RAP1A: variants seen among roughly 807,000 people sequenced by gnomAD.
RAP1A encodes ras-related protein Rap-1A.
A neutral mutation model predicts 26.4 loss-of-function variants in RAP1A; 6 were observed. The observed-to-expected ratio is 0.23, with a 90% CI of 0.12 to 0.45. The LOEUF (loss-of-function observed/expected upper bound fraction) is 0.45. Among genes scored for constraint, RAP1A ranks in the 20% least tolerant of loss-of-function variants. The probability of loss-of-function intolerance (pLI) is 0.99; values close to 1 mark genes in which losing one functional copy is unlikely to be tolerated. For missense variants in RAP1A, 121 were observed against 217.2 expected, an observed-to-expected ratio of 0.56 and a Z score of 2.78; for synonymous variants, 73 against 79.4, an observed-to-expected ratio of 0.92 and a Z score of 0.43.
intron 1 of RAP1A, among the ~76,000 whole-genome samples, chr1:111,656,201 C>A (rs536288359): frequency 2.0e-5 from 3 of 150,570 alleles, no homozygotes; most frequent in African/African-American, 4.9e-5. Context: ...CTTCAGTGAC[C>A]TTGGAGGGAG....
intron 1 of RAP1A, among the ~76,000 whole-genome samples, chr1:111,607,072 G>T (rs1208944070): frequency 6.6e-6 from 1 of 150,472 alleles, no homozygotes; most frequent in Non-Finnish European, 1.5e-5. Flanking sequence ...CTCGCAGAGG[G>T]GGATTTGGCA....
intron 1 of RAP1A, among the ~76,000 whole-genome samples, chr1:111,607,721 C>T (rs1658821012): frequency 7.0e-6 from 1 of 142,332 alleles, no homozygotes; most frequent in Non-Finnish European, 1.5e-5. Flanking sequence ...CCGGACGGGG[C>T]GGCTGGCCGG....
At chr1:111,599,558 C>G (rs1037679929) in intron 1 of RAP1A, 1 of 152,284 alleles carries the variant, frequency 6.6e-6, no homozygotes, top group Non-Finnish European at 1.5e-5. Flanking sequence ...TTCGGCCCTT[C>G]TCTTCTCCCC....
chr1:111,627,094 AT>A (rs141679571), intron 1 of RAP1A, among the ~76,000 whole-genome samples: 13 of 151,332 alleles, frequency 8.6e-5, no homozygotes, highest in African/African-American at 2.7e-4. Flanking sequence ...CTGCTTAAAC[AT>A]TTTTTTTTCT....
chr1:111,661,660 G>T (rs1029706755), intron 1 of RAP1A, among the ~76,000 whole-genome samples: 1 of 151,936 alleles, frequency 6.6e-6, no homozygotes, highest in East Asian at 1.9e-4. Context: ...TTAGCCGGGC[G>T]TGGTGGCGCA....
chr1:111,627,279 C>T (rs550680504), intron 1 of RAP1A, among the ~76,000 whole-genome samples: 1 of 151,916 alleles, frequency 6.6e-6, no homozygotes, highest in African/African-American at 2.4e-5. Context: ...ATTTTTTTTA[C>T]GAAACTTAGA....
At chr1:111,557,330 C>T (rs919101540) in intron 1 of RAP1A, among the ~76,000 whole-genome samples, 3 of 152,170 alleles carry the variant, frequency 2.0e-5, no homozygotes, top group Admixed American at 6.5e-5. Flanking sequence ...AGGCAGATCA[C>T]GAGGTGAGGA....
At chr1:111,645,548 G>A (rs760238456) in intron 1 of RAP1A, among the ~76,000 whole-genome samples, 9 of 152,132 alleles carry the variant, frequency 5.9e-5, no homozygotes, top group Non-Finnish European at 1.3e-4. Flanking sequence ...GCTGATTTGC[G>A]GGTGAAACAA....
At chr1:111,650,722 C>T (rs1660239023) in intron 1 of RAP1A, among the ~76,000 whole-genome samples, 2 of 152,050 alleles carry the variant, frequency 1.3e-5, no homozygotes, top group African/African-American at 4.8e-5. Flanking sequence ...CATAGTTTAC[C>T]TTAGAGTTCA....
chr1:111,570,883 C>T (rs919199068), intron 1 of RAP1A, among the ~76,000 whole-genome samples: 10 of 152,220 alleles, frequency 6.6e-5, no homozygotes, highest in African/African-American at 2.4e-4. Flanking sequence ...TCCCACCAAG[C>T]GCCACTTCCC....
chr1:111,645,156 C>CAA (rs3085089), intron 1 of RAP1A, among the ~76,000 whole-genome samples: 136,321 of 152,102 alleles, frequency 0.9, 61,344 homozygotes, highest in African/African-American at 0.97. Context: ...ATTTAGGAAA[C>CAA]AATATGCAGA....
At chr1:111,662,910 T>TTTGTTG (rs71099927) in intron 1 of RAP1A, among the ~76,000 whole-genome samples, 1 of 151,840 alleles carries the variant, frequency 6.6e-6, no homozygotes, top group Non-Finnish European at 1.5e-5. Context: ...TCTCTTTGGT[T>TTTGTTG]TTGTTGTTGT....
chr1:111,600,624 T>C (rs2101071969), intron 1 of RAP1A, among the ~76,000 whole-genome samples: 1 of 152,326 alleles, frequency 6.6e-6, no homozygotes, highest in Non-Finnish European at 1.5e-5. Context: ...GACACTGCTT[T>C]GTAGATGGCC....
Position 111,563,068 on chromosome 1 carries a change from C to T in RAP1A, c.-28+20559C>T, listed in dbSNP as rs190577513. 4.2e-3 allele frequency among the ~76,000 whole-genome samples: 639 copies of T among 152,226 alleles called. 2 individuals are homozygous for T. The highest frequency in any genetic ancestry group is 7.1e-3 in the Non-Finnish European group (482 of 68,008). The stretch of plus-strand genomic sequence containing the variant: ...ACTAAGGCTTAAAGAGAGTAAGCAG[C>T]GTACTCAAAGTCCTACACAGCTAGT... On this transcript the variant is annotated intron_variant, in intron 1 of 7. Transcript: ENST00000356415.
In RAP1A at chr1:111,682,670, T is replaced by G. The variant is rs561278422; in HGVS notation, c.-27-8664T>G. 2.6e-5 allele frequency among the ~76,000 whole-genome samples: 4 copies of G among 152,234 alleles called. No homozygotes were observed. The South Asian group carries it at 8.3e-4, about 32-fold the overall frequency. On this transcript the variant is annotated intron_variant, in intron 1 of 7. Coordinates refer to ENST00000369709, the MANE Select transcript of RAP1A (RefSeq NM_002884.4). ...GGACCCAATACAGGAGTACCCAGAT[T>G]CATAAAGCAAGTTCTTAGAGACCTG...
intron 1 of RAP1A, among the ~76,000 whole-genome samples, chr1:111,578,161 C>T (rs1159494617): frequency 6.6e-6 from 1 of 151,726 alleles, no homozygotes; most frequent in African/African-American, 2.4e-5. Flanking sequence ...TGAGAATTGG[C>T]CAGGTATTCT....
At position 111,703,408 on chromosome 1, in the gene RAP1A, G is replaced by T; in HGVS notation, c.256G>T (p.Ala86Ser). Residue 86 changes from alanine (A) to serine (S), a missense_variant, in exon 5 of 8, where the codon GCT (alanine) becomes TCT (serine). Ala to Ser is a moderately conservative substitution (Grantham distance 99, BLOSUM62 1). Transcript: ENST00000369709. ...TTTTGCACTAGTATATTCTATTACAGCTCAGTCCACGTTTAACGACTTACA... is the reference window on the plus strand; with the variant it reads ...TTTTGCACTAGTATATTCTATTACATCTCAGTCCACGTTTAACGACTTACA... ...QGFALVYSIT[A>S]QSTFNDLQDL... The T allele has an allele frequency of 6.2e-7, 1 of 1,606,008 alleles. No homozygotes were observed. Among genetic ancestry groups the T allele is most frequent in the Non-Finnish European group, 8.5e-7 (1 of 1,174,128 alleles).
intron 1 of RAP1A, among the ~76,000 whole-genome samples, chr1:111,656,593 G>T (rs956523465): frequency 1.3e-5 from 2 of 152,076 alleles, no homozygotes; most frequent in Non-Finnish European, 2.9e-5. Context: ...CCAGTCTCCA[G>T]TGACCTCCAG....
intron 1 of RAP1A, among the ~76,000 whole-genome samples, chr1:111,547,840 T>C (rs1657093021): frequency 6.6e-6 from 1 of 152,246 alleles, no homozygotes; most frequent in Non-Finnish European, 1.5e-5. Flanking sequence ...CTGGTATTTT[T>C]CTGCTAAAGC....
Sources: gnomAD v4.1 joint callset for allele counts (sites outside exome capture counted in the v4.1 genomes callset) on GRCh38, gnomAD v4.1.1 for gene constraint, MANE v1.5 for transcripts, NCBI Gene and HGNC (gene_info 2026-07-23, HGNC 2026-07-21) for gene names.